CNTLN: variants seen among roughly 807,000 people sequenced by gnomAD.
The protein encoded by CNTLN is centlein, centrosomal protein.
In CNTLN, 212 loss-of-function variants were observed where a neutral mutation model predicts 180.0. That is an observed-to-expected ratio of 1.18 (90% confidence interval 1.05 to 1.32). CNTLN has a LOEUF of 1.32. Ranked by LOEUF, CNTLN falls within the 40% of genes most tolerant of loss-of-function variation. The pLI is 0.00. For missense variants in CNTLN, 2,095 were observed against 1,610.9 expected, an observed-to-expected ratio of 1.30 and a Z score of -5.14; for synonymous variants, 722 against 563.1, an observed-to-expected ratio of 1.28 and a Z score of -3.99.
intron 8 of CNTLN, among the ~76,000 whole-genome samples, chr9:17,315,360 T>C (rs1819469074): frequency 6.6e-6 from 1 of 152,136 alleles, no homozygotes; most frequent in African/African-American, 2.4e-5. Flanking sequence ...TTGTTGCAAC[T>C]TTAACAGTAG....
At chr9:17,190,784 G>C (rs1821743445) in intron 2 of CNTLN, among the ~76,000 whole-genome samples, 1 of 152,172 alleles carries the variant, frequency 6.6e-6, no homozygotes, top group Non-Finnish European at 1.5e-5. Flanking sequence ...GAAGAAGTGA[G>C]ATTAGGAAGA....
At position 17,298,100 on chromosome 9, in the gene CNTLN, A is replaced by G. The variant is rs1375382400; in HGVS notation, c.984-90A>G. 5.4e-6 allele frequency: 6 copies of G among 1,107,084 alleles called. No individual in the cohort carries two copies. The East Asian group carries it at 1.1e-4, about 21-fold the overall frequency. 68.6% of individuals were successfully genotyped at this position (1,107,084 alleles called of 1,614,324 possible). ...GTACAAATAACAGATGCAAAACAGG[A>G]TGCCAATCTGTAACCTTAGATGAAC... On this transcript the variant is annotated intron_variant, in intron 6 of 25. Coordinates refer to ENST00000380647, the MANE Select transcript of CNTLN (RefSeq NM_017738.4).
At chr9:17,430,299 A>G (rs916802082) in intron 18 of CNTLN, among the ~76,000 whole-genome samples, 4 of 152,098 alleles carry the variant, frequency 2.6e-5, no homozygotes, top group East Asian at 1.9e-4. Context: ...TACTCTTTTC[A>G]ATTGTCACCC....
intron 15 of CNTLN, among the ~76,000 whole-genome samples, chr9:17,404,229 T>C (rs966211759): frequency 1.3e-5 from 2 of 151,792 alleles, no homozygotes; most frequent in Admixed American, 6.6e-5. Context: ...GAAGACAATA[T>C]TGAAGTTAGG....
intron 7 of CNTLN, chr9:17,302,072 C>G (rs898422576): frequency 1.0e-6 from 1 of 979,996 alleles, no homozygotes; most frequent in Admixed American, 6.4e-5. Flanking sequence ...TTATAGTGTA[C>G]TGACTACACA....
the CNTLN span, among the ~76,000 whole-genome samples, chr9:17,512,058 A>C: frequency 6.6e-5 from 10 of 152,220 alleles, no homozygotes; most frequent in African/African-American, 2.4e-4. Flanking sequence ...TCTAGACTTG[A>C]GATCAAGAGG....
intron 12 of CNTLN, among the ~76,000 whole-genome samples, chr9:17,354,173 C>A (rs566725298): frequency 6.6e-6 from 1 of 152,190 alleles, no homozygotes; most frequent in Non-Finnish European, 1.5e-5. Context: ...GCCTTCCCGC[C>A]GGGCAGGGCT....
At chr9:17,295,289 C>A (rs1237298794) in intron 6 of CNTLN, among the ~76,000 whole-genome samples, 2 of 152,184 alleles carry the variant, frequency 1.3e-5, no homozygotes, top group Admixed American at 1.3e-4. Context: ...GGTGCAGCGG[C>A]GGGCTGAAGG....
intron 12 of CNTLN, among the ~76,000 whole-genome samples, chr9:17,355,957 G>T (rs888907370): frequency 6.6e-6 from 1 of 151,556 alleles, no homozygotes; most frequent in Non-Finnish European, 1.5e-5. Flanking sequence ...CCAGCTACTC[G>T]GTAGGCTGAG....
chr9:17,303,659 G>A (rs1818519639), intron 7 of CNTLN, among the ~76,000 whole-genome samples: 1 of 151,778 alleles, frequency 6.6e-6, no homozygotes, highest in African/African-American at 2.4e-5. Context: ...ATACTTTAGT[G>A]TTCATTTATG....
At chr9:17,327,964 A>G (rs1820413630) in intron 8 of CNTLN, among the ~76,000 whole-genome samples, 1 of 152,140 alleles carries the variant, frequency 6.6e-6, no homozygotes, top group Non-Finnish European at 1.5e-5. Flanking sequence ...AAAAAAGAAA[A>G]AAAAAAGCAT....
intron 25 of CNTLN, among the ~76,000 whole-genome samples, chr9:17,499,774 CCTT>C: frequency 6.6e-6 from 1 of 152,002 alleles, no homozygotes; most frequent in South Asian, 2.1e-4. Flanking sequence ...TATAAAATTA[CCTT>C]AATTATGACT....
chr9:17,164,912 T>A (rs562600724), intron 2 of CNTLN, among the ~76,000 whole-genome samples: 5 of 150,594 alleles, frequency 3.3e-5, no homozygotes, highest in African/African-American at 1.2e-4. Context: ...CTTGGCTCAC[T>A]GCGACCTCTG....
chr9:17,228,322 C>T (rs1323795869), intron 3 of CNTLN, among the ~76,000 whole-genome samples: 1 of 151,946 alleles, frequency 6.6e-6, no homozygotes, highest in Non-Finnish European at 1.5e-5. Flanking sequence ...TGAGTGGAAT[C>T]ACATAGCTTA....
rs1588109578 is a variant in CNTLN at position 17,492,727 on chromosome 9, G to A, written c.4119+5661G>A. Among the ~76,000 whole-genome samples the A allele has an allele frequency of 2.0e-5, 3 of 152,224 alleles. No individual in the cohort carries two copies. In the East Asian group the frequency reaches 5.8e-4, roughly 29 times the overall value. Reference sequence around the variant, plus strand: ...AGTTACCATATTATCCAGTAATTCTGCCTTGGGGTATATCTCCAAAAGAAT... The same window carrying A: ...AGTTACCATATTATCCAGTAATTCTACCTTGGGGTATATCTCCAAAAGAAT... On this transcript the variant is annotated intron_variant, in intron 25 of 25. Coordinates refer to ENST00000380647, the MANE Select transcript of CNTLN (RefSeq NM_017738.4).
chr9:17,239,319 A>G (rs1334652317), intron 5 of CNTLN, among the ~76,000 whole-genome samples: 1 of 152,168 alleles, frequency 6.6e-6, no homozygotes, highest in African/African-American at 2.4e-5. Flanking sequence ...TTCATGTATT[A>G]CTATCTTTGG....
intron 8 of CNTLN, among the ~76,000 whole-genome samples, chr9:17,320,801 C>G (rs1819858611): frequency 6.6e-6 from 1 of 152,120 alleles, no homozygotes. Context: ...CCGTGTCTGG[C>G]CTCATTTATA....
At chr9:17,319,061 A>G (rs1163195098) in intron 8 of CNTLN, among the ~76,000 whole-genome samples, 1 of 152,232 alleles carries the variant, frequency 6.6e-6, no homozygotes, top group East Asian at 1.9e-4. Flanking sequence ...GAACCTGTGG[A>G]AAGAAGCTTT....
rs138592218 is a variant in CNTLN, at chr9:17,144,056, A to G, written c.449+680A>G. Among the ~76,000 whole-genome samples, 242 of 152,324 alleles carry G rather than the reference A, an allele frequency of 1.6e-3. 1 individual carries two copies. Among genetic ancestry groups the G allele is most frequent in the African/African-American group, 5.6e-3 (233 of 41,576 alleles). ...ATACTTTTTAAATGAGAAGCTAAGC[A>G]TATGGATACCTTTTCCTTTTTTAAA... On this transcript the variant is annotated intron_variant, in intron 2 of 25. Coordinates refer to ENST00000380647, the MANE Select transcript of CNTLN (RefSeq NM_017738.4).
Sources: gnomAD v4.1 joint callset for allele counts (sites outside exome capture counted in the v4.1 genomes callset) on GRCh38, gnomAD v4.1.1 for gene constraint, MANE v1.5 for transcripts, NCBI Gene and HGNC (gene_info 2026-07-23, HGNC 2026-07-21) for gene names.